Variants in CTNNA3 observed in about 807,000 individuals in gnomAD.
CTNNA3 encodes catenin alpha 3.
Under a neutral mutation model 95.7 loss-of-function variants are expected in CTNNA3, and 76 were observed. The ratio of observed to expected loss-of-function variants is 0.79; its 90% confidence interval spans 0.66 to 0.96. The LOEUF (loss-of-function observed/expected upper bound fraction) is 0.96. CTNNA3 is among the 40% of genes least tolerant of loss of function. CTNNA3 has a pLI of 0.00. For missense variants in CTNNA3, 1,191 were observed against 1,089.8 expected (o/e 1.09, Z -1.31); for synonymous variants, 431 against 374.4 (o/e 1.15, Z -1.74).
At chr10:67,096,563 A>G (rs1331346112) in intron 7 of CTNNA3, among the ~76,000 whole-genome samples, 12 of 151,902 alleles carry the variant, frequency 7.9e-5, no homozygotes, top group Admixed American at 7.9e-4. Context: ...ATATTAAACC[A>G]AGATCAGGAC....
In CTNNA3 at chr10:65,913,391, T is replaced by C. The variant is rs2076969325; in HGVS notation, c.*6939A>G. 6.6e-6 allele frequency: 1 copy of C among 152,156 alleles called. No homozygotes were observed. The highest frequency in any genetic ancestry group is 6.6e-5 in the Admixed American group (1 of 15,250). 9.4% of individuals were successfully genotyped at this position (152,156 alleles called of 1,614,324 possible). A position where few individuals can be genotyped will look rare whatever the true frequency, so the allele number is the denominator to read the frequency against. On this transcript the variant is annotated 3_prime_UTR_variant, in exon 18 of 18. Coordinates refer to ENST00000433211, the MANE Select transcript of CTNNA3 (RefSeq NM_013266.4). ...AAATTGGGCATAAAATATGTCTACT[T>C]CTGTTTTCAGGAACTTGTTAGTCAC...
At chr10:66,625,927 G>A (rs1284026654) in intron 9 of CTNNA3, among the ~76,000 whole-genome samples, 3 of 152,066 alleles carry the variant, frequency 2.0e-5, no homozygotes, top group Non-Finnish European at 4.4e-5. Flanking sequence ...ACAAAAGGAT[G>A]AGTCACCAGT....
chr10:66,733,795 T>C (rs544980032), intron 9 of CTNNA3, among the ~76,000 whole-genome samples: 1 of 151,868 alleles, frequency 6.6e-6, no homozygotes, highest in South Asian at 2.1e-4. Context: ...TATTAAGATG[T>C]TGTTAAATTT....
intron 10 of CTNNA3, among the ~76,000 whole-genome samples, chr10:66,615,045 T>C (rs957001626): frequency 4.6e-5 from 7 of 152,122 alleles, no homozygotes; most frequent in Non-Finnish European, 1.0e-4. Flanking sequence ...TGCTTTTGTT[T>C]AAACACTTCC....
intron 12 of CTNNA3, among the ~76,000 whole-genome samples, chr10:66,299,068 C>T (rs1023595113): frequency 6.6e-6 from 1 of 152,170 alleles, no homozygotes; most frequent in African/African-American, 2.4e-5. Flanking sequence ...CTGCCTATGA[C>T]CTAGAAGCCC....
At chr10:66,216,978 A>G (rs960353208) in intron 13 of CTNNA3, among the ~76,000 whole-genome samples, 6 of 152,164 alleles carry the variant, frequency 3.9e-5, no homozygotes, top group Admixed American at 1.3e-4. Context: ...AGTCACAACT[A>G]CACTCTCCTC....
At chr10:66,732,212 T>G (rs563829598) in intron 9 of CTNNA3, among the ~76,000 whole-genome samples, 2 of 152,182 alleles carry the variant, frequency 1.3e-5, no homozygotes, top group Non-Finnish European at 2.9e-5. Context: ...GTTTATTCAT[T>G]TATTCAGGAA....
At chr10:66,521,591 A>T (rs1465082462) in intron 10 of CTNNA3, among the ~76,000 whole-genome samples, 1 of 152,164 alleles carries the variant, frequency 6.6e-6, no homozygotes, top group Non-Finnish European at 1.5e-5. Context: ...TTCTGTTGAC[A>T]CATTCTTGGG....
intron 1 of CTNNA3, among the ~76,000 whole-genome samples, chr10:67,713,242 T>G (rs1210739654): frequency 6.6e-6 from 1 of 152,214 alleles, no homozygotes; most frequent in Non-Finnish European, 1.5e-5. Flanking sequence ...AGATAACATC[T>G]CATGCCAGTT....
At chr10:66,442,238 A>G (rs376015844) in intron 11 of CTNNA3, among the ~76,000 whole-genome samples, 1 of 152,194 alleles carries the variant, frequency 6.6e-6, no homozygotes, top group African/African-American at 2.4e-5. Flanking sequence ...TTATATGCCA[A>G]TAGTACACTA....
In CTNNA3 at chr10:67,189,527, T is replaced by G. The variant is rs150687757; in HGVS notation, c.844-9007A>C. ...AGGTAGTGCATATGTTAGTTTCATT[T>G]AGCCACTGCATAATGTGTATGTATT... On this transcript the variant is annotated intron_variant, in intron 6 of 17. Transcript: ENST00000433211. Among the ~76,000 whole-genome samples the G allele has an allele frequency of 4.8e-3, 710 of 148,066 alleles. 5 individuals carry two copies. The highest frequency in any genetic ancestry group is 7.9e-3 in the Non-Finnish European group (535 of 67,502).
chr10:66,550,675 T>A (rs1207404089), intron 10 of CTNNA3, among the ~76,000 whole-genome samples: 1 of 152,218 alleles, frequency 6.6e-6, no homozygotes, highest in African/African-American at 2.4e-5. Context: ...TCTACCGTTT[T>A]ATTATTATTT....
intron 17 of CTNNA3, among the ~76,000 whole-genome samples, chr10:65,949,353 T>C (rs1332220390): frequency 6.6e-6 from 1 of 152,220 alleles, no homozygotes; most frequent in Non-Finnish European, 1.5e-5. Flanking sequence ...ATAAGTTTAC[T>C]TGTAGCACTG....
intron 13 of CTNNA3, among the ~76,000 whole-genome samples, chr10:66,142,565 C>T (rs537407794): frequency 6.6e-6 from 1 of 152,106 alleles, no homozygotes; most frequent in South Asian, 2.1e-4. Context: ...TGGGATTACA[C>T]TGAATGTGTA....
At chr10:67,094,070 A>G (rs1857822607) in intron 7 of CTNNA3, among the ~76,000 whole-genome samples, 1 of 152,004 alleles carries the variant, frequency 6.6e-6, no homozygotes, top group Non-Finnish European at 1.5e-5. Flanking sequence ...AAGCTGAGAA[A>G]GTAATCAACA....
chr10:66,901,996 A>G (rs537201483), intron 7 of CTNNA3, among the ~76,000 whole-genome samples: 4 of 152,348 alleles, frequency 2.6e-5, no homozygotes, highest in African/African-American at 9.6e-5. Flanking sequence ...AAGGATATTC[A>G]TGGTTTGAAC....
At chr10:66,406,363 T>A (rs1381077207) in intron 11 of CTNNA3, among the ~76,000 whole-genome samples, 1 of 151,870 alleles carries the variant, frequency 6.6e-6, no homozygotes, top group Non-Finnish European at 1.5e-5. Context: ...ACTGTGGGGG[T>A]TTTTATGTTC....
chr10:66,651,477 T>TG (rs560566122), intron 9 of CTNNA3, among the ~76,000 whole-genome samples: 18 of 149,422 alleles, frequency 1.2e-4, no homozygotes, highest in Middle Eastern at 3.4e-3. Context: ...CCTCAGCCCT[T>TG]GGGGGGTCAA....
chr10:67,541,964 G>A (rs1840697304), intron 3 of CTNNA3, among the ~76,000 whole-genome samples: 2 of 152,030 alleles, frequency 1.3e-5, no homozygotes, highest in Admixed American at 1.3e-4. Flanking sequence ...AAAAAATTAT[G>A]TATTTTTGAC....
Sources: gnomAD v4.1 joint callset for allele counts (sites outside exome capture counted in the v4.1 genomes callset) on GRCh38, gnomAD v4.1.1 for gene constraint, MANE v1.5 for transcripts, NCBI Gene and HGNC (gene_info 2026-07-23, HGNC 2026-07-21) for gene names.